Variants in GRM7 observed in about 807,000 individuals in gnomAD.
GRM7 encodes the protein metabotropic glutamate receptor 7.
In GRM7, 35 loss-of-function variants were observed where a neutral mutation model predicts 84.5. That is an observed-to-expected ratio of 0.41 (90% confidence interval 0.32 to 0.55). The LOEUF (loss-of-function observed/expected upper bound fraction) is 0.55. Among genes scored for constraint, GRM7 ranks in the 20% least tolerant of loss-of-function variants. GRM7 has a pLI of 0.19. For missense variants in GRM7, 1,003 were observed against 1,194.6 expected, an observed-to-expected ratio of 0.84 and a Z score of 2.36; for synonymous variants, 487 against 455.1, an observed-to-expected ratio of 1.07 and a Z score of -0.89.
At chr3:7,093,428 C>T (rs779199662) in intron 1 of GRM7, among the ~76,000 whole-genome samples, 11 of 151,578 alleles carry the variant, frequency 7.3e-5, no homozygotes, top group Non-Finnish European at 1.5e-4. Flanking sequence ...ACCTGCAATC[C>T]AAGCACTTTG....
chr3:7,600,034 C>T (rs972255864), intron 8 of GRM7, among the ~76,000 whole-genome samples: 1 of 152,070 alleles, frequency 6.6e-6, no homozygotes, highest in Non-Finnish European at 1.5e-5. Flanking sequence ...GAAGTTTTTA[C>T]TGAAGCTACT....
At chr3:7,074,326 T>A (rs1272202625) in intron 1 of GRM7, among the ~76,000 whole-genome samples, 1 of 152,062 alleles carries the variant, frequency 6.6e-6, no homozygotes, top group Non-Finnish European at 1.5e-5. Context: ...TTAAGTTCAT[T>A]TAGGTTGAAC....
intron 7 of GRM7, among the ~76,000 whole-genome samples, chr3:7,562,725 C>A (rs1694082873): frequency 6.6e-6 from 1 of 152,088 alleles, no homozygotes; most frequent in African/African-American, 2.4e-5. Context: ...TTGTTCTATA[C>A]TCAAATGGAT....
At chr3:6,929,514 T>C (rs1404421080) in intron 1 of GRM7, among the ~76,000 whole-genome samples, 2 of 151,974 alleles carry the variant, frequency 1.3e-5, no homozygotes, top group Non-Finnish European at 2.9e-5. Flanking sequence ...ACACAGTAGG[T>C]ATGCTGTCTT....
At chr3:7,507,687 T>C (rs888987159) in intron 7 of GRM7, among the ~76,000 whole-genome samples, 2 of 152,226 alleles carry the variant, frequency 1.3e-5, no homozygotes, top group African/African-American at 4.8e-5. Flanking sequence ...GTAGTTATGA[T>C]TGAGGAAGAA....
intron 1 of GRM7, among the ~76,000 whole-genome samples, chr3:6,881,360 C>T (rs1695501430): frequency 6.6e-6 from 1 of 152,086 alleles, no homozygotes. Flanking sequence ...TCTCATTGTT[C>T]AGCTCCCATT....
At chr3:7,370,878 G>T (rs1242578048) in intron 4 of GRM7, among the ~76,000 whole-genome samples, 1 of 152,116 alleles carries the variant, frequency 6.6e-6, no homozygotes, top group African/African-American at 2.4e-5. Context: ...TGTGGTAGAA[G>T]ATGATTTAGA....
intron 1 of GRM7, among the ~76,000 whole-genome samples, chr3:7,002,670 G>C (rs945137485): frequency 4.6e-5 from 7 of 152,058 alleles, no homozygotes; most frequent in Non-Finnish European, 8.8e-5. Context: ...TTGGAAAATA[G>C]TATATAGAGA....
intron 2 of GRM7, among the ~76,000 whole-genome samples, chr3:7,220,603 T>C (rs1241363494): frequency 1.3e-5 from 2 of 152,074 alleles, no homozygotes; most frequent in African/African-American, 4.8e-5. Context: ...AAAAGGGCAT[T>C]AGGTAAAAAA....
At chr3:7,277,402 A>G (rs535388380) in intron 2 of GRM7, among the ~76,000 whole-genome samples, 1 of 152,136 alleles carries the variant, frequency 6.6e-6, no homozygotes, top group East Asian at 1.9e-4. Context: ...TTTTATCAAG[A>G]TGTCCATTTT....
chr3:7,453,099 G>A (rs1282748470), intron 6 of GRM7, among the ~76,000 whole-genome samples: 2 of 151,354 alleles, frequency 1.3e-5, no homozygotes, highest in Non-Finnish European at 2.9e-5. Flanking sequence ...GATGGAAGAG[G>A]AAGGGAAAGG....
At chr3:6,903,186 A>G (rs1696453693) in intron 1 of GRM7, among the ~76,000 whole-genome samples, 1 of 147,338 alleles carries the variant, frequency 6.8e-6, no homozygotes, top group Non-Finnish European at 1.5e-5. Flanking sequence ...TGATCCATCT[A>G]TTTCCCAATA....
At chr3:7,377,076 A>T (rs1230430469) in intron 4 of GRM7, among the ~76,000 whole-genome samples, 1 of 152,234 alleles carries the variant, frequency 6.6e-6, no homozygotes, top group Non-Finnish European at 1.5e-5. Context: ...TTATTGAAAA[A>T]CATGAAGATG....
intron 1 of GRM7, among the ~76,000 whole-genome samples, chr3:6,932,327 C>A (rs372939778): frequency 5.9e-5 from 9 of 152,154 alleles, no homozygotes; most frequent in Middle Eastern, 3.4e-3. Flanking sequence ...TTGATATATC[C>A]CCATTTATTC....
At chr3:7,026,553 G>T (rs1172560777) in intron 1 of GRM7, among the ~76,000 whole-genome samples, 3 of 152,124 alleles carry the variant, frequency 2.0e-5, no homozygotes, top group Non-Finnish European at 4.4e-5. Context: ...AAAGCACTAT[G>T]GAATACTTAC....
At chr3:7,605,137 A>G (rs1315347709) in intron 8 of GRM7, among the ~76,000 whole-genome samples, 1 of 152,136 alleles carries the variant, frequency 6.6e-6, no homozygotes, top group Non-Finnish European at 1.5e-5. Context: ...AAAACTGCCC[A>G]GATGATGCCT....
intron 1 of GRM7, among the ~76,000 whole-genome samples, chr3:7,052,720 G>GTTTTTTTTTTTTTTT (rs372132445): frequency 4.1e-4 from 42 of 101,502 alleles, no homozygotes; most frequent in African/African-American, 1.4e-3. Flanking sequence ...AGTATCGGTA[G>GTTTTTTTTTTTTTTT]TTTTTTTTTT....
At chr3:7,567,139 C>T (rs535319418) in intron 7 of GRM7, among the ~76,000 whole-genome samples, 35 of 152,280 alleles carry the variant, frequency 2.3e-4, no homozygotes, top group African/African-American at 7.5e-4. Context: ...TTTGTTTACT[C>T]TATATGTCCA....
chr3:7,303,875 T>C (rs567558765), intron 3 of GRM7, among the ~76,000 whole-genome samples: 1 of 152,144 alleles, frequency 6.6e-6, no homozygotes, highest in East Asian at 1.9e-4. Context: ...TTCTGGACCC[T>C]AACTGAATTT....
Sources: gnomAD v4.1 joint callset for allele counts (sites outside exome capture counted in the v4.1 genomes callset) on GRCh38, gnomAD v4.1.1 for gene constraint, MANE v1.5 for transcripts, NCBI Gene and HGNC (gene_info 2026-07-23, HGNC 2026-07-21) for gene names.